Variants in DLC1 observed in about 807,000 individuals in gnomAD.
DLC1 encodes rho GTPase-activating protein 7.
In DLC1, 54 loss-of-function variants were observed where a neutral mutation model predicts 140.3. The ratio of observed to expected loss-of-function variants is 0.38; its 90% CI spans 0.31 to 0.48. The LOEUF (loss-of-function observed/expected upper bound fraction) is 0.48. Among genes scored for constraint, DLC1 ranks in the 20% least tolerant of loss-of-function variants. The probability of loss-of-function intolerance (pLI) is 0.96; values close to 1 mark genes in which losing one functional copy is unlikely to be tolerated. For missense variants in DLC1, 2,536 were observed against 1,907.0 expected (o/e 1.33, Z -6.14); for synonymous variants, 986 against 728.1 (o/e 1.35, Z -5.70).
intron 2 of DLC1, among the ~76,000 whole-genome samples, chr8:13,497,735 A>C (rs1801578773): frequency 1.3e-5 from 2 of 152,304 alleles, no homozygotes; most frequent in East Asian, 3.9e-4. Context: ...AACAGATTTG[A>C]TAGGATATAT....
intron 10 of DLC1, among the ~76,000 whole-genome samples, chr8:13,096,917 T>A (rs1818542750): frequency 6.6e-6 from 1 of 152,224 alleles, no homozygotes; most frequent in Non-Finnish European, 1.5e-5. Context: ...GATTCCCAGA[T>A]GACACTGAAA....
intron 1 of DLC1, among the ~76,000 whole-genome samples, chr8:13,584,900 A>G (rs936319478): frequency 1.3e-5 from 2 of 151,926 alleles, no homozygotes; most frequent in African/African-American, 4.8e-5. Flanking sequence ...ACTGTCTATT[A>G]TTTTCCTCCC....
At chr8:13,496,326 G>A (rs1189456692) in intron 2 of DLC1, among the ~76,000 whole-genome samples, 1 of 152,136 alleles carries the variant, frequency 6.6e-6, no homozygotes, top group Non-Finnish European at 1.5e-5. Context: ...GTGCCATGCA[G>A]AAAATGCCTC....
At chr8:13,203,708 T>G (rs890076848) in intron 5 of DLC1, among the ~76,000 whole-genome samples, 1 of 152,192 alleles carries the variant, frequency 6.6e-6, no homozygotes, top group African/African-American at 2.4e-5. Flanking sequence ...AAGGCAAATA[T>G]TCCTCAGGAT....
At chr8:13,572,463 T>C (rs1804695799) in intron 1 of DLC1, among the ~76,000 whole-genome samples, 1 of 152,202 alleles carries the variant, frequency 6.6e-6, no homozygotes. Context: ...AGTGTCTTTT[T>C]ATACACACAA....
At chr8:13,146,489 A>C (rs1428711651) in intron 5 of DLC1, among the ~76,000 whole-genome samples, 2 of 151,980 alleles carry the variant, frequency 1.3e-5, no homozygotes, top group Non-Finnish European at 2.9e-5. Flanking sequence ...AATAATCACC[A>C]AATTGGCCCT....
chr8:13,103,826 C>T (rs1190703568), intron 7 of DLC1, among the ~76,000 whole-genome samples: 2 of 129,734 alleles, frequency 1.5e-5, no homozygotes, highest in African/African-American at 5.8e-5. Flanking sequence ...GGCAAAAGAG[C>T]CAGACTCCAT....
intron 5 of DLC1, chr8:13,132,920 C>G: frequency 6.3e-7 from 1 of 1,590,734 alleles, no homozygotes; most frequent in Non-Finnish European, 8.6e-7. Context: ...GCCAGCCCGA[C>G]GGCAAGACGC....
intron 5 of DLC1, chr8:13,133,020 C>T (rs1429827599): frequency 2.5e-6 from 4 of 1,597,556 alleles, no homozygotes; most frequent in African/African-American, 2.7e-5. Flanking sequence ...GTGGGGAAGT[C>T]GAGGCAGGCG....
chr8:13,130,765 CTATT>C (rs1368217833), intron 5 of DLC1, among the ~76,000 whole-genome samples: 1 of 152,228 alleles, frequency 6.6e-6, no homozygotes, highest in Non-Finnish European at 1.5e-5. Flanking sequence ...AAGTTGGAAA[CTATT>C]TATCCCCAGT....
At chr8:13,145,520 C>T (rs1288902611) in intron 5 of DLC1, among the ~76,000 whole-genome samples, 1 of 152,138 alleles carries the variant, frequency 6.6e-6, no homozygotes, top group Non-Finnish European at 1.5e-5. Context: ...AGCAATTCTA[C>T]TCTAAGGGAT....
chr8:13,216,601 C>T (rs1235278611), intron 5 of DLC1, among the ~76,000 whole-genome samples: 1 of 152,122 alleles, frequency 6.6e-6, no homozygotes, highest in South Asian at 2.1e-4. Context: ...GTGTCATTTC[C>T]CCTGAGAGCT....
intron 2 of DLC1, among the ~76,000 whole-genome samples, chr8:13,422,215 T>C (rs1838348232): frequency 6.6e-6 from 1 of 152,142 alleles, no homozygotes; most frequent in Non-Finnish European, 1.5e-5. Context: ...TTTAAACTAA[T>C]ACCTCAAAGT....
chr8:13,111,483 A>C (rs1156232982), intron 6 of DLC1, among the ~76,000 whole-genome samples: 2 of 152,240 alleles, frequency 1.3e-5, no homozygotes. Context: ...GAGTTCATTC[A>C]GTTCTCTCGA....
At chr8:13,413,440 C>G (rs73553461) in intron 2 of DLC1, among the ~76,000 whole-genome samples, 2 of 151,434 alleles carry the variant, frequency 1.3e-5, no homozygotes, top group East Asian at 1.9e-4. Flanking sequence ...CACACATACA[C>G]GAGCACACAT....
At chr8:13,381,706 C>T (rs1047444329) in intron 4 of DLC1, among the ~76,000 whole-genome samples, 3 of 152,142 alleles carry the variant, frequency 2.0e-5, no homozygotes, top group Admixed American at 1.3e-4. Flanking sequence ...ACTGCAGCCT[C>T]ATGAGAGACC....
intron 2 of DLC1, among the ~76,000 whole-genome samples, chr8:13,435,820 A>G (rs887674120): frequency 1.3e-5 from 2 of 152,234 alleles, no homozygotes; most frequent in Non-Finnish European, 2.9e-5. Flanking sequence ...ACTGCAAGCT[A>G]CAGAGAAGCG....
At chr8:13,213,824 C>T (rs887267617) in intron 5 of DLC1, among the ~76,000 whole-genome samples, 44 of 151,140 alleles carry the variant, frequency 2.9e-4, no homozygotes, top group African/African-American at 9.7e-4. Flanking sequence ...CCCTCTGTTG[C>T]CCAGCCTGGA....
rs11989691 is a variant in DLC1, at chr8:13,218,957, C to T, written c.1348+86312G>A. Among the ~76,000 whole-genome samples the T allele has an allele frequency of 4.6e-4, 32 of 69,380 alleles. 2 individuals carry two copies. The highest frequency in any genetic ancestry group is 2.4e-3 in the East Asian group (4 of 1,668). 45.5% of individuals were successfully genotyped at this position (69,380 alleles called of 152,430 possible). On this transcript the variant is annotated intron_variant, in intron 5 of 17. Coordinates refer to ENST00000276297, the MANE Select transcript of DLC1 (RefSeq NM_182643.3). ...ACGAATATGATTATATAATTATATA[C>T]GTATATAATTATATACGTATATAAC...
Sources: allele counts gnomAD v4.1 joint callset (sites outside exome capture counted in the v4.1 genomes callset), GRCh38; gene constraint gnomAD v4.1.1; transcripts MANE v1.5; gene names NCBI Gene and HGNC (gene_info 2026-07-23, HGNC 2026-07-21).